The following NAV1 variants were observed in gnomAD, a reference collection of about 807,000 sequenced individuals.
NAV1 encodes the protein neuron navigator 1.
A neutral mutation model predicts 175.2 loss-of-function variants in NAV1; 18 were observed. The ratio of observed to expected loss-of-function variants is 0.10; its 90% CI spans 0.07 to 0.15. The LOEUF is 0.15. Ranked by LOEUF, NAV1 falls within the 10% of genes least tolerant of loss-of-function variation. The pLI, the probability that NAV1 is intolerant of heterozygous loss-of-function variation, is 1.00. For synonymous variants in NAV1, 897 were observed against 978.7 expected (o/e 0.92, Z 1.56); for missense variants, 1,731 against 2,436.6 (o/e 0.71, Z 6.10).
chr1:201,620,572 C>A (rs1043418294), upstream of NAV1, among the ~76,000 whole-genome samples: 1 of 149,990 alleles, frequency 6.7e-6, no homozygotes, highest in African/African-American at 2.5e-5. Flanking sequence ...AATTCTCCTG[C>A]CTCAGCTTTT....
At chr1:201,776,987 G>A (rs995945671) in intron 3 of NAV1, among the ~76,000 whole-genome samples, 1 of 152,090 alleles carries the variant, frequency 6.6e-6, no homozygotes, top group East Asian at 1.9e-4. Flanking sequence ...GAATCAGAAG[G>A]GCAACAATAG....
At chr1:201,779,401 G>T (rs1301313419) in intron 3 of NAV1, among the ~76,000 whole-genome samples, 1 of 150,778 alleles carries the variant, frequency 6.6e-6, no homozygotes, top group East Asian at 1.9e-4. Flanking sequence ...AGACCAGCCT[G>T]GCCAACATGG....
rs1676843634 is a variant in NAV1 at position 201,787,590 on chromosome 1, G to A, written c.2996-878G>A. On this transcript the variant is annotated intron_variant, in intron 9 of 29. Transcript: ENST00000367296. This position sits in a 1 kb window ranked among gnomAD's most constrained non-coding sequence, Gnocchi z 4.3. ...GCTGCAGAATGAGGGGCTGGGCTAA[G>A]CAATAATTACCTCAGGAATTTGAAA... The A allele has an allele frequency of 2.2e-6, 1 of 451,392 alleles. No homozygotes were observed. The highest frequency in any genetic ancestry group is 2.0e-5 in the African/African-American group (1 of 50,000). The allele number at this position is 451,392 out of a possible 1,614,324, so 28.0% of individuals were successfully genotyped here.
At position 201,684,105 on chromosome 1, in the gene NAV1, CT is replaced by C. The variant is rs138196499; in HGVS notation, c.758-28709del. ...CTGTGTCCCTTTGACATACTCCAAT[CT>C]TTATTTACATATTTATTTCCTTGCT... On this transcript the variant is annotated intron_variant, in intron 1 of 29. Transcript: ENST00000367296. 1.7e-3 allele frequency among the ~76,000 whole-genome samples: 262 copies of C among 152,284 alleles called. 1 individual carries two copies. The highest frequency in any genetic ancestry group is 5.8e-3 in the African/African-American group (241 of 41,558).
At chr1:201,687,901 C>T (rs112586146) in intron 1 of NAV1, among the ~76,000 whole-genome samples, 48 of 152,342 alleles carry the variant, frequency 3.2e-4, no homozygotes, top group African/African-American at 1.1e-3. Context: ...CTCATTTTCC[C>T]TCCAACCACC....
chr1:201,566,460 G>A (rs1215139838), intron 1 of NAV1, among the ~76,000 whole-genome samples: 2 of 152,146 alleles, frequency 1.3e-5, no homozygotes. Flanking sequence ...CTTAGGTTGT[G>A]TTCCCCAGGC....
At chr1:201,731,559 A>G (rs1267580699) in intron 3 of NAV1, among the ~76,000 whole-genome samples, 1 of 152,094 alleles carries the variant, frequency 6.6e-6, no homozygotes, top group Non-Finnish European at 1.5e-5. Flanking sequence ...CTTGTGGGGC[A>G]TCTCCAGCTT....
chr1:201,822,897 C>CA (rs923593237), exon 30 of NAV1: 3 of 152,656 alleles, frequency 2.0e-5, no homozygotes, highest in African/African-American at 7.2e-5. Flanking sequence ...TTGGGACACT[C>CA]ATCCAGACTT....
Position 201,649,249 on chromosome 1 carries a change from G to A in NAV1, c.581G>A (p.Ser194Asn), listed in dbSNP as rs147243318. ...AGCAAGGCGCCTGAAGCGGCCGTGA[G>A]CGAAGATGGCAAATCGGACGACGAG... Residue 194 changes from serine to asparagine, a missense_variant, in exon 1 of 30, where the codon AGC (serine) becomes AAC (asparagine). By Grantham distance (46) the Ser-to-Asn change is conservative. Transcript: ENST00000367296. 8 of 1,613,066 alleles carry A rather than the reference G, an allele frequency of 5.0e-6. No homozygotes were observed. Among genetic ancestry groups the A allele is most frequent in the African/African-American group, 2.7e-5 (2 of 74,940 alleles).
Position 201,810,458 on chromosome 1 carries a change from T to A in NAV1, c.4562-65T>A, listed in dbSNP as rs1327643652. 1.3e-5 allele frequency: 19 copies of A among 1,463,102 alleles called. No homozygotes were observed. Among genetic ancestry groups the A allele is most frequent in the Non-Finnish European group, 1.6e-5 (17 of 1,075,596 alleles). 90.6% of individuals were successfully genotyped at this position (1,463,102 alleles called of 1,614,324 possible). A position where few individuals can be genotyped will look rare whatever the true frequency, so the allele number is the denominator to read the frequency against. On this transcript the variant is annotated intron_variant, in intron 23 of 29. Transcript: ENST00000367296. This position sits in a 1 kb window ranked among gnomAD's most constrained non-coding sequence, Gnocchi z 6.0. ...CTCCTAGATAAAGAAAGAAAAGCCC[T>A]TTAGGATCCCTTGCTATCCTCAAGA...
chr1:201,585,852 G>T (rs1365714958), intron 1 of NAV1, among the ~76,000 whole-genome samples: 1 of 152,218 alleles, frequency 6.6e-6, no homozygotes, highest in Admixed American at 6.5e-5. Flanking sequence ...AACAGAATCT[G>T]TGTGCAATAT....
intron 1 of NAV1, among the ~76,000 whole-genome samples, chr1:201,568,472 G>A (rs1459652245): frequency 6.6e-6 from 1 of 152,160 alleles, no homozygotes; most frequent in Non-Finnish European, 1.5e-5. Context: ...GTGGTGGTAT[G>A]TCTGGCCACA....
At chr1:201,614,163 C>G (rs1241803279) in intron 2 of NAV1, among the ~76,000 whole-genome samples, 2 of 152,118 alleles carry the variant, frequency 1.3e-5, no homozygotes, top group African/African-American at 2.4e-5. Flanking sequence ...CAGAGATACT[C>G]CAGCCCTTTA....
At chr1:201,593,991 T>A (rs1197861975) in intron 2 of NAV1, among the ~76,000 whole-genome samples, 2 of 151,550 alleles carry the variant, frequency 1.3e-5, no homozygotes, top group African/African-American at 4.9e-5. Context: ...GGGAAGAGGC[T>A]GAATGTAGCA....
intron 3 of NAV1, among the ~76,000 whole-genome samples, chr1:201,777,813 T>G (rs1049029432): frequency 6.6e-6 from 1 of 152,074 alleles, no homozygotes; most frequent in Admixed American, 6.6e-5. Context: ...TGCATACCTG[T>G]AATCCCAGCT....
chr1:201,618,094 G>T (rs1487097865), upstream of NAV1, among the ~76,000 whole-genome samples: 1 of 152,112 alleles, frequency 6.6e-6, no homozygotes, highest in African/African-American at 2.4e-5. Context: ...TCATCCATGG[G>T]CCTCAGCCCA....
At chr1:201,544,304 G>T (rs1320441704) in intron 1 of NAV1, among the ~76,000 whole-genome samples, 4 of 152,170 alleles carry the variant, frequency 2.6e-5, no homozygotes, top group Non-Finnish European at 4.4e-5. Context: ...ACCCTTGACT[G>T]GTCACAGCTT....
chr1:201,742,319 G>A (rs1673474904), intron 3 of NAV1, among the ~76,000 whole-genome samples: 1 of 152,190 alleles, frequency 6.6e-6, no homozygotes, highest in South Asian at 2.1e-4. Flanking sequence ...AGATGTGAGG[G>A]TATTTGGGTG....
intron 1 of NAV1, among the ~76,000 whole-genome samples, chr1:201,671,204 T>C (rs1670032565): frequency 6.6e-6 from 1 of 152,204 alleles, no homozygotes; most frequent in Admixed American, 6.5e-5. Flanking sequence ...AAGTGGTCCC[T>C]GCCTTCCGCG....
Sources: allele counts gnomAD v4.1 joint callset (sites outside exome capture counted in the v4.1 genomes callset), GRCh38; gene constraint gnomAD v4.1.1; non-coding constraint Gnocchi (gnomAD v3.1); transcripts MANE v1.5; gene names NCBI Gene and HGNC (gene_info 2026-07-23, HGNC 2026-07-21).